The following PCDH15 variants were observed in gnomAD, a reference collection of about 807,000 sequenced individuals.
PCDH15 encodes the protein protocadherin-15.
PCDH15 carries 129 observed loss-of-function variants against 178.5 expected under a neutral mutation model. That is an observed-to-expected ratio of 0.72 (90% CI 0.63 to 0.84). The LOEUF (loss-of-function observed/expected upper bound fraction) is 0.84. PCDH15 is among the 40% of genes least tolerant of loss of function. The pLI, the probability that PCDH15 is intolerant of heterozygous loss-of-function variation, is 0.00. For missense variants in PCDH15, 2,230 were observed against 2,099.9 expected (o/e 1.06, Z -1.21); for synonymous variants, 800 against 732.0 (o/e 1.09, Z -1.50).
At chr10:54,415,361 A>G (rs985405345) in intron 3 of PCDH15, among the ~76,000 whole-genome samples, 10 of 152,058 alleles carry the variant, frequency 6.6e-5, no homozygotes, top group African/African-American at 2.4e-4. Flanking sequence ...AAAATTGAAG[A>G]AATTTTTAAA....
At chr10:53,927,715 A>G (rs2084689609) in intron 25 of PCDH15, among the ~76,000 whole-genome samples, 1 of 152,098 alleles carries the variant, frequency 6.6e-6, no homozygotes, top group Non-Finnish European at 1.5e-5. Flanking sequence ...TTTCATCTTC[A>G]TAGTGTTATC....
intron 18 of PCDH15, among the ~76,000 whole-genome samples, chr10:54,047,145 T>C (rs1297077818): frequency 1.3e-5 from 2 of 152,136 alleles, no homozygotes; most frequent in Non-Finnish European, 2.9e-5. Flanking sequence ...TTCTTGGATA[T>C]ACATTAAATA....
intron 2 of PCDH15, among the ~76,000 whole-genome samples, chr10:54,598,407 T>A (rs914110401): frequency 6.6e-6 from 1 of 152,096 alleles, no homozygotes; most frequent in Non-Finnish European, 1.5e-5. Context: ...AGAAAGACTT[T>A]TGAAAAAATT....
intron 2 of PCDH15, among the ~76,000 whole-genome samples, chr10:55,428,480 C>T (rs1459586060): frequency 2.6e-5 from 4 of 151,612 alleles, no homozygotes; most frequent in African/African-American, 9.7e-5. Context: ...TTGACTACAG[C>T]TTTCTTTTTA....
At chr10:53,927,149 A>AGTGTGT (rs59045951) in intron 25 of PCDH15, among the ~76,000 whole-genome samples, 2,901 of 149,772 alleles carry the variant, frequency 0.019, 64 homozygotes, top group African/African-American at 0.055. Context: ...TGTAAATGCA[A>AGTGTGT]GTGTGTGTGT....
At chr10:53,894,025 A>G (rs11003919) in intron 26 of PCDH15, among the ~76,000 whole-genome samples, 100,010 of 151,918 alleles carry the variant, frequency 0.66, 33,788 homozygotes, top group East Asian at 0.87. Flanking sequence ...GGTTTGTTGT[A>G]CCCAAAAATT....
intron 2 of PCDH15, among the ~76,000 whole-genome samples, chr10:54,997,074 A>C (rs1839667349): frequency 6.7e-6 from 1 of 149,540 alleles, no homozygotes; most frequent in Non-Finnish European, 1.5e-5. Context: ...GCACCACTGC[A>C]CTCCAGCCTG....
chr10:55,598,568 A>ATATATATATATATAT (rs1842991917), intron 2 of PCDH15, among the ~76,000 whole-genome samples: 1 of 114,860 alleles, frequency 8.7e-6, no homozygotes. Context: ...ATATATATAT[A>ATATATATATATATAT]GTAAACACAA....
At chr10:54,581,159 C>G (rs1401344909) in intron 2 of PCDH15, among the ~76,000 whole-genome samples, 1 of 152,056 alleles carries the variant, frequency 6.6e-6, no homozygotes, top group Non-Finnish European at 1.5e-5. Context: ...AACTATTTCT[C>G]TTTGCTGACT....
intron 8 of PCDH15, among the ~76,000 whole-genome samples, chr10:54,290,952 A>T (rs2059364793): frequency 6.6e-6 from 1 of 152,222 alleles, no homozygotes; most frequent in African/African-American, 2.4e-5. Context: ...ATAATGGGAG[A>T]CTTTAACGCC....
intron 25 of PCDH15, among the ~76,000 whole-genome samples, chr10:53,933,180 T>C (rs1318694674): frequency 1.3e-5 from 2 of 152,014 alleles, no homozygotes; most frequent in Non-Finnish European, 2.9e-5. Context: ...TTTTAAATTT[T>C]ATTATTATTA....
At chr10:54,519,928 T>C (rs2138146237) in intron 3 of PCDH15, among the ~76,000 whole-genome samples, 1 of 152,306 alleles carries the variant, frequency 6.6e-6, no homozygotes, top group East Asian at 1.9e-4. Flanking sequence ...AACTATCTGA[T>C]CTTTGACAAA....
intron 2 of PCDH15, among the ~76,000 whole-genome samples, chr10:55,106,144 C>T (rs1011273899): frequency 6.6e-6 from 1 of 151,734 alleles, no homozygotes; most frequent in Admixed American, 6.6e-5. Context: ...AGCTGGTTTA[C>T]AAGATAGGAT....
chr10:53,853,591 C>G (rs2078535245), intron 28 of PCDH15, among the ~76,000 whole-genome samples: 1 of 151,854 alleles, frequency 6.6e-6, no homozygotes, highest in African/African-American at 2.4e-5. Flanking sequence ...TCAAGTAACC[C>G]AATTAAAAAT....
chr10:53,939,782 C>T (rs2085892411), intron 24 of PCDH15, among the ~76,000 whole-genome samples: 1 of 152,032 alleles, frequency 6.6e-6, no homozygotes, highest in Non-Finnish European at 1.5e-5. Context: ...ACAACAGTCA[C>T]TGTGGGGGAC....
chr10:54,509,603 C>T (rs12570060), intron 3 of PCDH15, among the ~76,000 whole-genome samples: 6 of 152,200 alleles, frequency 3.9e-5, no homozygotes, highest in Admixed American at 1.3e-4. Flanking sequence ...TCCTAATCGA[C>T]GTGCCATTTC....
At chr10:54,376,502 TAC>T (rs1288763737) in intron 4 of PCDH15, among the ~76,000 whole-genome samples, 4 of 151,076 alleles carry the variant, frequency 2.6e-5, no homozygotes, top group African/African-American at 9.7e-5. Context: ...TATTTTCAAA[TAC>T]AATCTATATA....
chr10:53,809,651 A>G (rs1250772834), intron 37 of PCDH15: 2 of 1,053,782 alleles, frequency 1.9e-6, no homozygotes, highest in African/African-American at 3.2e-5. Context: ...TGATAGCTTC[A>G]TGCATGTTAT....
intron 2 of PCDH15, among the ~76,000 whole-genome samples, chr10:55,511,005 A>G (rs568342444): frequency 6.6e-6 from 1 of 151,008 alleles, no homozygotes; most frequent in South Asian, 2.1e-4. Flanking sequence ...GACCACAGAC[A>G]TGCACCAACA....
Sources: allele counts gnomAD v4.1 joint callset (sites outside exome capture counted in the v4.1 genomes callset), GRCh38; gene constraint gnomAD v4.1.1; transcripts MANE v1.5; gene names NCBI Gene and HGNC (gene_info 2026-07-23, HGNC 2026-07-21).